Variants in CELF2 observed in about 807,000 individuals in gnomAD.
CELF2 encodes CUGBP Elav-like family member 2, also known as CUG triplet repeat RNA-binding protein 2.
In CELF2, 8 loss-of-function variants were observed where a neutral mutation model predicts 62.6. That is an observed-to-expected ratio of 0.13 (90% CI 0.07 to 0.23). CELF2 has a LOEUF of 0.23. CELF2 is among the 10% of genes least tolerant of loss of function. The probability of loss-of-function intolerance (pLI) is 1.00; values close to 1 mark genes in which losing one functional copy is unlikely to be tolerated. For missense variants in CELF2, 333 were observed against 671.0 expected, an observed-to-expected ratio of 0.50 and a Z score of 5.56; for synonymous variants, 258 against 250.0, an observed-to-expected ratio of 1.03 and a Z score of -0.30.
the CELF2 span, among the ~76,000 whole-genome samples, chr10:10,659,731 C>T: frequency 6.6e-6 from 1 of 152,182 alleles, no homozygotes; most frequent in African/African-American, 2.4e-5. Flanking sequence ...CCTTCGGTTC[C>T]AGCTCCCTCA....
chr10:10,882,626 T>A (rs1233043200), intron 1 of CELF2, among the ~76,000 whole-genome samples: 1 of 152,166 alleles, frequency 6.6e-6, no homozygotes, highest in Admixed American at 6.5e-5. Flanking sequence ...ATTCCTTCAT[T>A]GATGAGAGAA....
At chr10:11,222,000 G>A (rs1368010362) in intron 3 of CELF2, among the ~76,000 whole-genome samples, 1 of 152,250 alleles carries the variant, frequency 6.6e-6, no homozygotes, top group African/African-American at 2.4e-5. Context: ...CCTGGGACAA[G>A]TGTGTTCACC....
At chr10:10,852,039 G>T (rs1012342298) in intron 1 of CELF2, among the ~76,000 whole-genome samples, 1 of 152,286 alleles carries the variant, frequency 6.6e-6, no homozygotes, top group South Asian at 2.1e-4. Flanking sequence ...AAACAGTTTT[G>T]TAGTTTCTTA....
At chr10:11,099,892 A>C (rs1293542859) in intron 1 of CELF2, among the ~76,000 whole-genome samples, 110 of 148,724 alleles carry the variant, frequency 7.4e-4, no homozygotes, top group East Asian at 2.9e-3. Flanking sequence ...AACAAAAAAA[A>C]AAAAAAAAAA....
intron 2 of CELF2, among the ~76,000 whole-genome samples, chr10:10,949,565 A>G (rs556983525): frequency 2.6e-5 from 4 of 151,950 alleles, no homozygotes; most frequent in Non-Finnish European, 5.9e-5. Flanking sequence ...GCCGAGGCAG[A>G]TGGATCACTT....
chr10:11,135,191 G>C (rs1309964022), intron 1 of CELF2, among the ~76,000 whole-genome samples: 1 of 152,234 alleles, frequency 6.6e-6, no homozygotes, highest in Non-Finnish European at 1.5e-5. Flanking sequence ...TGCCGATGCT[G>C]TTTAATGCTC....
chr10:10,784,052 G>C, the CELF2 span, among the ~76,000 whole-genome samples: 11 of 152,034 alleles, frequency 7.2e-5, no homozygotes, highest in African/African-American at 1.2e-4. Flanking sequence ...GAGTCAACTG[G>C]GGTTTTATTT....
chr10:10,955,971 C>G (rs2048846419), intron 2 of CELF2, among the ~76,000 whole-genome samples: 1 of 152,194 alleles, frequency 6.6e-6, no homozygotes, highest in Admixed American at 6.5e-5. Context: ...CTAGGTCGAT[C>G]ACTGCAAATC....
the CELF2 span, among the ~76,000 whole-genome samples, chr10:10,480,239 T>C: frequency 6.6e-6 from 1 of 152,262 alleles, no homozygotes; most frequent in African/African-American, 2.4e-5. Flanking sequence ...GCCCAAAGCC[T>C]CCTCCAACAG....
At chr10:10,663,383 C>T in the CELF2 span, among the ~76,000 whole-genome samples, 4 of 152,130 alleles carry the variant, frequency 2.6e-5, no homozygotes, top group Non-Finnish European at 5.9e-5. Flanking sequence ...CAAGAAAAAT[C>T]CAGGATATTC....
chr10:11,293,609 C>G (rs147135309), intron 9 of CELF2, among the ~76,000 whole-genome samples: 2 of 152,306 alleles, frequency 1.3e-5, no homozygotes, highest in Admixed American at 6.5e-5. Flanking sequence ...CCTGTGCTCC[C>G]AGGGCACACT....
At position 11,300,918 on chromosome 10, in the gene CELF2, C is replaced by T. The variant is rs1029924873; in HGVS notation, c.976+12366C>T. ...TGTGGAAAGTGTTTAACGAGGGCACCGAAGGCAAATTCTTGCTGTCTTCTG... is the reference window on the plus strand; with the variant it reads ...TGTGGAAAGTGTTTAACGAGGGCACTGAAGGCAAATTCTTGCTGTCTTCTG... On this transcript the variant is annotated intron_variant, in intron 9 of 12. Coordinates refer to ENST00000633077, the MANE Select transcript of CELF2 (RefSeq NM_001326342.2). The surrounding 1 kb of genome is among the most constrained non-coding windows in gnomAD (Gnocchi z 5.5). Among the ~76,000 whole-genome samples the T allele has an allele frequency of 3.3e-5, 5 of 152,078 alleles. No homozygotes were observed. Among genetic ancestry groups the T allele is most frequent in the Admixed American group, 6.5e-5 (1 of 15,276 alleles).
intron 1 of CELF2, among the ~76,000 whole-genome samples, chr10:10,904,015 C>A (rs545095022): frequency 4.1e-4 from 62 of 152,304 alleles, no homozygotes; most frequent in Non-Finnish European, 7.5e-4. Context: ...CAGCCACCTG[C>A]CATCTTCTCT....
chr10:10,531,306 A>G, the CELF2 span, among the ~76,000 whole-genome samples: 1 of 152,178 alleles, frequency 6.6e-6, no homozygotes, highest in Non-Finnish European at 1.5e-5. Flanking sequence ...GATGTAGTAG[A>G]TTAGGTTTGA....
At chr10:10,689,275 G>A in the CELF2 span, among the ~76,000 whole-genome samples, 7 of 152,210 alleles carry the variant, frequency 4.6e-5, no homozygotes, top group East Asian at 1.2e-3. Context: ...CATGGTGGCA[G>A]GAGAGAGAAA....
intron 1 of CELF2, among the ~76,000 whole-genome samples, chr10:11,130,502 A>C (rs764182423): frequency 1.6e-4 from 25 of 152,332 alleles, no homozygotes; most frequent in Non-Finnish European, 3.5e-4. Context: ...TCTGCTTTGC[A>C]CTAAAAGTGC....
At chr10:11,113,695 C>G (rs2055822749) in intron 1 of CELF2, among the ~76,000 whole-genome samples, 1 of 152,150 alleles carries the variant, frequency 6.6e-6, no homozygotes, top group Admixed American at 6.6e-5. Context: ...TTGAGAATCC[C>G]TTATTAAATA....
chr10:10,741,492 C>CAAAAAAAAAAA, the CELF2 span, among the ~76,000 whole-genome samples: 1 of 57,340 alleles, frequency 1.7e-5, no homozygotes, highest in African/African-American at 8.4e-5. Context: ...GACTCCGTCT[C>CAAAAAAAAAAA]AAAAAAAAAA....
At chr10:10,695,559 G>C in the CELF2 span, among the ~76,000 whole-genome samples, 5,838 of 151,138 alleles carry the variant, frequency 0.039, 262 homozygotes, top group East Asian at 0.27. Flanking sequence ...GGCCTGCCTT[G>C]CTAGATTGGG....
Sources: gnomAD v4.1 joint callset for allele counts (sites outside exome capture counted in the v4.1 genomes callset) on GRCh38, gnomAD v4.1.1 for gene constraint, Gnocchi (gnomAD v3.1) non-coding constraint, MANE v1.5 for transcripts, NCBI Gene and HGNC (gene_info 2026-07-23, HGNC 2026-07-21) for gene names.